DDX52: variants seen among roughly 807,000 people sequenced by gnomAD.
DDX52 encodes DExD-box helicase 52.
A neutral mutation model predicts 76.1 loss-of-function variants in DDX52; 59 were observed. That is an observed-to-expected ratio of 0.78 (90% CI 0.63 to 0.96). DDX52 has a LOEUF of 0.96. DDX52 is among the 40% of genes least tolerant of loss of function. The pLI, the probability that DDX52 is intolerant of heterozygous loss-of-function variation, is 0.00. For missense variants in DDX52, 707 were observed against 703.9 expected (o/e 1.00, Z -0.05); for synonymous variants, 231 against 244.1 (o/e 0.95, Z 0.50).
At chr17:37,618,755 G>C (rs2029925672) in intron 13 of DDX52, among the ~76,000 whole-genome samples, 1 of 152,132 alleles carries the variant, frequency 6.6e-6, no homozygotes, top group East Asian at 1.9e-4. Flanking sequence ...AAAGTGCTGG[G>C]ATTACAGGCG....
At chr17:37,625,758 T>A in intron 8 of DDX52, 137 bp downstream of exon 8, 1 of 952,726 alleles carries the variant, frequency 1.0e-6, no homozygotes, top group South Asian at 1.7e-5. Flanking sequence ...AATCTTGGCT[T>A]AAAAGAACAC....
chr17:37,624,068 C>T (rs189319078), intron 9 of DDX52: 134 of 221,450 alleles, frequency 6.1e-4, no homozygotes, highest in Middle Eastern at 4.6e-3. Flanking sequence ...ATCTGAGCTG[C>T]GAAAAGACAA....
intron 3 of DDX52, among the ~76,000 whole-genome samples, chr17:37,632,792 C>T (rs759601450): frequency 6.6e-6 from 1 of 152,166 alleles, no homozygotes; most frequent in Non-Finnish European, 1.5e-5. Context: ...GCTGAATACA[C>T]CTCTCCATCA....
chr17:37,626,247 A>G, intron 7 of DDX52, 149 bp from the exon 8 acceptor site: 1 of 833,254 alleles, frequency 1.2e-6, no homozygotes, highest in Non-Finnish European at 1.8e-6. Context: ...AAAATAAGAA[A>G]CACAAGCAGG....
chr17:37,642,009 G>C, intron 2 of DDX52, 101 bp downstream of exon 2: 1 of 1,450,890 alleles, frequency 6.9e-7, no homozygotes, highest in Non-Finnish European at 9.4e-7. Context: ...GCCATCAGCT[G>C]ACAAATGACC....
rs1302654047 is a variant in DDX52, at chr17:37,610,553, T to C, written c.*3743A>G. The C allele has an allele frequency of 7.4e-6, 1 of 135,980 alleles. No homozygotes were observed. The highest frequency in any genetic ancestry group is 1.9e-4 in the East Asian group (1 of 5,202). 8.4% of individuals were successfully genotyped at this position (135,980 alleles called of 1,614,324 possible). On this transcript the variant is annotated 3_prime_UTR_variant, in exon 15 of 15. Coordinates refer to ENST00000617633, the MANE Select transcript of DDX52 (RefSeq NM_007010.5). ...TTAATTAGCTTTACGTTTTCACTCT[T>C]GTCTCAAGGTTTTTACTGGGTAATA...
intron 2 of DDX52, among the ~76,000 whole-genome samples, chr17:37,640,034 T>C (rs1010353910): frequency 5.3e-5 from 8 of 152,240 alleles, no homozygotes; most frequent in East Asian, 1.9e-4. Context: ...ATCCCTACAA[T>C]GTATGATGGG....
Position 37,642,293 on chromosome 17 carries a change from A to G in DDX52, c.103T>C (p.Tyr35His), listed in dbSNP as rs760475980. 19 of 1,613,188 alleles carry G rather than the reference A, an allele frequency of 1.2e-5. No individual in the cohort carries two copies. In the African/African-American group the frequency reaches 1.5e-4, roughly 12 times the overall value. Residue 35 changes from tyrosine (Y) to histidine (H), a missense_variant, in exon 2 of 15, where the codon TAT (tyrosine) becomes CAT (histidine). Coordinates refer to ENST00000617633, the MANE Select transcript of DDX52 (RefSeq NM_007010.5). The stretch of plus-strand genomic sequence containing the variant: ...AGCACCTCCGAAGAATCAAAGTCAT[A>G]TTTCCTTTTTCCTATCTAAAACCCA... ...AARFQIGKRK[Y>H]DFDSSEVLQG... is the part of the protein sequence containing the mutation.
chr17:37,614,429 T>C, intron 14 of DDX52, 76 bp from the exon 15 acceptor site: 4 of 1,401,576 alleles, frequency 2.9e-6, no homozygotes, highest in Non-Finnish European at 2.9e-6. Context: ...ACCACCAGTT[T>C]AATAAACATT....
In DDX52 at chr17:37,624,341, T is replaced by A. The variant is rs773216277; in HGVS notation, c.1227+3A>T. 4 of 1,603,506 alleles carry A rather than the reference T, an allele frequency of 2.5e-6. No homozygotes were observed. The highest frequency in any genetic ancestry group is 2.6e-6 in the Non-Finnish European group (3 of 1,174,178). ...AAAATTCAAGAAGGTAATACAAATATACCTTTTTAACAAGTTCTCTCACGG... is the reference window on the plus strand; with the variant it reads ...AAAATTCAAGAAGGTAATACAAATAAACCTTTTTAACAAGTTCTCTCACGG... On this transcript the variant is annotated splice_donor_region_variant and intron_variant, in intron 9 of 14. Transcript: ENST00000617633.
At chr17:37,632,621 T>G (rs2030736436) in intron 3 of DDX52, among the ~76,000 whole-genome samples, 1 of 152,212 alleles carries the variant, frequency 6.6e-6, no homozygotes, top group Admixed American at 6.5e-5. Context: ...GTATCATTGC[T>G]TTTTGATGAT....
chr17:37,629,932 G>A lies in DDX52; in HGVS notation c.747+98C>T, dbSNP rs1300602647. ...AGGATACTTGACCATGACAGAAGAC[G>A]TGGGCCTTGCTTTTTAAGATCTTTT... On this transcript the variant is annotated intron_variant, in intron 5 of 14. Coordinates refer to ENST00000617633, the MANE Select transcript of DDX52 (RefSeq NM_007010.5). The A allele has an allele frequency of 1.3e-5, 20 of 1,494,646 alleles. 1 individual carries two copies. Among genetic ancestry groups the A allele is most frequent in the East Asian group, 4.6e-5 (2 of 43,874 alleles). 92.6% of individuals were successfully genotyped at this position (1,494,646 alleles called of 1,614,324 possible). A position where few individuals can be genotyped will look rare whatever the true frequency, so the allele number is the denominator to read the frequency against.
chr17:37,629,919 C>A, intron 5 of DDX52, 111 bp downstream of exon 5: 2 of 1,446,564 alleles, frequency 1.4e-6, no homozygotes, highest in South Asian at 1.4e-5. Context: ...GATACTTGAC[C>A]ATGACAGAAG....
rs1223859461 is a variant in DDX52 at position 37,610,247 on chromosome 17, C to T, written c.*4049G>A. 6.6e-6 allele frequency: 1 copy of T among 151,760 alleles called. No individual in the cohort carries two copies. Among genetic ancestry groups the T allele is most frequent in the Non-Finnish European group, 1.5e-5 (1 of 68,350 alleles). The allele number at this position is 151,760 out of a possible 1,614,324, so 9.4% of individuals were successfully genotyped here. ...CAAGCGATCCTCTCGCCTCAGCCTC[C>T]TGAGTAGCTGGGACCACAGGCATGC... On this transcript the variant is annotated 3_prime_UTR_variant, in exon 15 of 15. Transcript: ENST00000617633.
In DDX52 at chr17:37,625,732, T is replaced by C. The variant is rs531862560; in HGVS notation, c.1136+163A>G. On this transcript the variant is annotated intron_variant, in intron 8 of 14. Transcript: ENST00000617633. ...AACCTTCTTTTAGATTACTCTAAAA[T>C]AGAAAATCCTTAAACAATCTTGGCT... Among the ~76,000 whole-genome samples, 10 of 152,288 alleles carry C rather than the reference T, an allele frequency of 6.6e-5. No homozygotes were observed. In the East Asian group the frequency reaches 1.5e-3, roughly 24 times the overall value.
intron 2 of DDX52, among the ~76,000 whole-genome samples, chr17:37,636,722 C>T (rs1239929925): frequency 6.6e-6 from 1 of 152,156 alleles, no homozygotes; most frequent in Non-Finnish European, 1.5e-5. Flanking sequence ...AAGAAATCAC[C>T]TGTTTACAAA....
In DDX52 at chr17:37,642,094, G is replaced by C. The variant is rs1568613164; in HGVS notation, c.286+16C>G. 6.2e-7 allele frequency: 1 copy of C among 1,609,912 alleles called. No homozygotes were observed. Among genetic ancestry groups the C allele is most frequent in the Non-Finnish European group, 8.5e-7 (1 of 1,179,240 alleles). ...AAAATTAAAGAGAAAAAACATGACA[G>C]AAATCAAACACTAACCTGAAGTCAT... On this transcript the variant is annotated intron_variant, in intron 2 of 14. Transcript: ENST00000617633.
chr17:37,614,167 C>G lies in DDX52; in HGVS notation c.*129G>C. On this transcript the variant is annotated 3_prime_UTR_variant, in exon 15 of 15. Transcript: ENST00000617633. The stretch of plus-strand genomic sequence containing the variant: ...AGTTTAGGATCATTTATCACCAGTC[C>G]CATGTACTTGTAGTTGATTTCAAAT... The G allele has an allele frequency of 3.2e-6, 3 of 935,390 alleles. No homozygotes were observed. Among genetic ancestry groups the G allele is most frequent in the Non-Finnish European group, 4.7e-6 (3 of 633,564 alleles). 57.9% of individuals were successfully genotyped at this position (935,390 alleles called of 1,614,324 possible). A position where few individuals can be genotyped will look rare whatever the true frequency, so the allele number is the denominator to read the frequency against.
intron 8 of DDX52, among the ~76,000 whole-genome samples, chr17:37,625,471 A>T (rs544472866): frequency 6.6e-6 from 1 of 152,140 alleles, no homozygotes; most frequent in Non-Finnish European, 1.5e-5. Flanking sequence ...TAATTTCTTT[A>T]AACTTTTTTC....
Sources: allele counts gnomAD v4.1 joint callset (sites outside exome capture counted in the v4.1 genomes callset), GRCh38; gene constraint gnomAD v4.1.1; transcripts MANE v1.5; gene names NCBI Gene and HGNC (gene_info 2026-07-23, HGNC 2026-07-21).